TPRG1: variants seen among roughly 807,000 people sequenced by gnomAD.
TPRG1 encodes tumor protein p63-regulated gene 1 protein.
TPRG1 carries 29 observed loss-of-function variants against 29.3 expected under a neutral mutation model. That is an observed-to-expected ratio of 0.99 (90% confidence interval 0.74 to 1.35). The LOEUF is 1.35. Ranked by LOEUF, TPRG1 falls within the 40% of genes most tolerant of loss-of-function variation. The pLI, the probability that TPRG1 is intolerant of heterozygous loss-of-function variation, is 0.00. For synonymous variants in TPRG1, 130 were observed against 116.8 expected (o/e 1.11, Z -0.73); for missense variants, 327 against 335.0 (o/e 0.98, Z 0.19).
At chr3:189,167,605 A>G (rs1325822818), upstream of TPRG1, among the ~76,000 whole-genome samples, 1 of 152,200 alleles carries the variant, frequency 6.6e-6, no homozygotes, top group Admixed American at 6.5e-5. Context: ...AACAAAACCA[A>G]GCACAAGGCC....
chr3:189,291,053 C>G (rs1486037778), intron 4 of TPRG1, among the ~76,000 whole-genome samples: 2 of 152,040 alleles, frequency 1.3e-5, no homozygotes, highest in Non-Finnish European at 1.5e-5. Context: ...AGGGGCCCAC[C>G]ACCACACCTG....
At chr3:189,309,439 C>G (rs550430792) in intron 4 of TPRG1, among the ~76,000 whole-genome samples, 1 of 152,088 alleles carries the variant, frequency 6.6e-6, no homozygotes, top group African/African-American at 2.4e-5. Context: ...ATGAGACATC[C>G]GTGAAGTTCC....
intron 2 of TPRG1, among the ~76,000 whole-genome samples, chr3:189,131,963 T>G (rs753393982): frequency 1.3e-5 from 2 of 152,238 alleles, no homozygotes; most frequent in Non-Finnish European, 2.9e-5. Flanking sequence ...GACTGCTATG[T>G]GATTTATGGC....
intron 4 of TPRG1, chr3:189,240,418 T>G: frequency 6.6e-6 from 1 of 152,180 alleles, no homozygotes. Flanking sequence ...AAGTTCTGTA[T>G]TAGTCCATTG....
Position 189,322,987 on chromosome 3 carries a change from A to G in TPRG1, c.*2167A>G. On this transcript the variant is annotated 3_prime_UTR_variant, in exon 6 of 6. Coordinates refer to ENST00000345063, the MANE Select transcript of TPRG1 (RefSeq NM_198485.4). ...ACTGTCATATATAGGCTATCCCCTT[A>G]ATTGATAAATGGGATCTAGAAAGCG... 6.6e-6 allele frequency: 1 copy of G among 152,132 alleles called. No homozygotes were observed. The allele number at this position is 152,132 out of a possible 1,614,324, so 9.4% of individuals were successfully genotyped here.
At chr3:189,006,185 T>C (rs533118548) in intron 3 of TPRG1, among the ~76,000 whole-genome samples, 19 of 152,236 alleles carry the variant, frequency 1.2e-4, no homozygotes, top group Admixed American at 7.9e-4. Context: ...AAGCACACTT[T>C]CTTGCAGTAC....
intron 3 of TPRG1, among the ~76,000 whole-genome samples, chr3:189,222,426 GA>G (rs1737078864): frequency 6.6e-6 from 1 of 152,058 alleles, no homozygotes; most frequent in Non-Finnish European, 1.5e-5. Context: ...CTACCATTTC[GA>G]AACTGCATTT....
intron 1 of TPRG1, among the ~76,000 whole-genome samples, chr3:189,200,161 C>T (rs1733237687): frequency 6.6e-6 from 1 of 152,184 alleles, no homozygotes; most frequent in African/African-American, 2.4e-5. Flanking sequence ...CTGCCTGGCC[C>T]AGGTGGAGCT....
intron 4 of TPRG1, among the ~76,000 whole-genome samples, chr3:189,242,224 TTTCTC>T: frequency 6.6e-6 from 1 of 152,248 alleles, no homozygotes; most frequent in Non-Finnish European, 1.5e-5. Flanking sequence ...ATGTAGTACT[TTTCTC>T]TGTGTGTTTC....
intron 4 of TPRG1, among the ~76,000 whole-genome samples, chr3:189,048,333 C>T (rs1192789319): frequency 2.6e-5 from 4 of 152,116 alleles, no homozygotes; most frequent in Non-Finnish European, 5.9e-5. Context: ...AAAATATTTG[C>T]TACATCATGC....
chr3:189,278,598 G>A (rs1160933982), intron 4 of TPRG1, among the ~76,000 whole-genome samples: 1 of 152,186 alleles, frequency 6.6e-6, no homozygotes, highest in African/African-American at 2.4e-5. Context: ...TAGGACTTAG[G>A]AAACCTAAAC....
chr3:189,279,759 G>C (rs914301041), intron 4 of TPRG1, among the ~76,000 whole-genome samples: 1 of 152,156 alleles, frequency 6.6e-6, no homozygotes, highest in East Asian at 1.9e-4. Context: ...ATCAGGAAGA[G>C]GCAGAATACC....
At chr3:189,138,816 A>G (rs1724124386) in intron 3 of TPRG1, among the ~76,000 whole-genome samples, 1 of 152,182 alleles carries the variant, frequency 6.6e-6, no homozygotes, top group Non-Finnish European at 1.5e-5. Context: ...TTATGCATAT[A>G]AGATAGAACT....
intron 2 of TPRG1, among the ~76,000 whole-genome samples, chr3:189,209,618 C>T (rs1734949954): frequency 6.6e-6 from 1 of 152,102 alleles, no homozygotes; most frequent in Non-Finnish European, 1.5e-5. Context: ...AATGAAGTGA[C>T]CTGTCCAAAT....
At chr3:189,168,820 C>T (rs1031718923), upstream of TPRG1, among the ~76,000 whole-genome samples, 2 of 152,120 alleles carry the variant, frequency 1.3e-5, no homozygotes, top group African/African-American at 4.8e-5. Flanking sequence ...CCTATTTACC[C>T]CCAGTGATGC....
chr3:189,110,455 C>T (rs1720372880), intron 1 of TPRG1, among the ~76,000 whole-genome samples: 1 of 152,042 alleles, frequency 6.6e-6, no homozygotes, highest in Non-Finnish European at 1.5e-5. Flanking sequence ...CCATATCAAA[C>T]ATATCATTTG....
intron 4 of TPRG1, among the ~76,000 whole-genome samples, chr3:189,293,860 G>A (rs540233204): frequency 3.9e-4 from 59 of 152,072 alleles, no homozygotes; most frequent in South Asian, 1.7e-3. Context: ...CCATTTAATC[G>A]TCACAAGTCA....
intron 4 of TPRG1, among the ~76,000 whole-genome samples, chr3:189,241,896 C>T (rs1740665452): frequency 6.6e-6 from 1 of 152,166 alleles, no homozygotes; most frequent in African/African-American, 2.4e-5. Context: ...TCCAATTAAA[C>T]CTCTTTTTGT....
intron 3 of TPRG1, among the ~76,000 whole-genome samples, chr3:189,235,756 G>GCT (rs1464200585): frequency 1.3e-5 from 2 of 152,154 alleles, no homozygotes; most frequent in Non-Finnish European, 2.9e-5. Context: ...CACTATGCCT[G>GCT]GATATGGTGT....
Sources: allele counts gnomAD v4.1 joint callset (sites outside exome capture counted in the v4.1 genomes callset), GRCh38; gene constraint gnomAD v4.1.1; transcripts MANE v1.5; gene names NCBI Gene and HGNC (gene_info 2026-07-23, HGNC 2026-07-21).